The following PDZRN4 variants were observed in gnomAD, a reference collection of about 807,000 sequenced individuals.
PDZRN4 encodes PDZ domain-containing RING finger protein 4.
PDZRN4 carries 70 observed loss-of-function variants against 99.0 expected under a neutral mutation model. The ratio of observed to expected loss-of-function variants is 0.71; its 90% CI spans 0.58 to 0.86. The LOEUF (loss-of-function observed/expected upper bound fraction) is 0.86, where lower values mean the gene tolerates loss of function less well. Ranked by LOEUF, PDZRN4 falls within the 40% of genes least tolerant of loss-of-function variation. The pLI is 0.00. For synonymous variants in PDZRN4, 551 were observed against 501.6 expected (o/e 1.10, Z -1.32); for missense variants, 1,474 against 1,331.2 (o/e 1.11, Z -1.67).
chr12:41,395,881 C>T (rs565693429), intron 3 of PDZRN4, among the ~76,000 whole-genome samples: 14 of 151,910 alleles, frequency 9.2e-5, no homozygotes, highest in African/African-American at 3.4e-4. Context: ...TATAGGAATG[C>T]CCTTTACTTT....
chr12:41,377,608 G>T (rs989851859), intron 3 of PDZRN4, among the ~76,000 whole-genome samples: 2 of 151,906 alleles, frequency 1.3e-5, no homozygotes, highest in East Asian at 3.9e-4. Context: ...AGCTTGCAGC[G>T]AGCTGAGATC....
intron 3 of PDZRN4, among the ~76,000 whole-genome samples, chr12:41,426,755 A>G (rs1017332939): frequency 2.0e-5 from 3 of 152,242 alleles, no homozygotes; most frequent in South Asian, 2.1e-4. Flanking sequence ...AAAAGTTAGC[A>G]TATCAGAAAT....
intron 3 of PDZRN4, among the ~76,000 whole-genome samples, chr12:41,317,713 T>C (rs944597890): frequency 2.0e-5 from 3 of 152,158 alleles, no homozygotes; most frequent in African/African-American, 4.8e-5. Context: ...AGTAAGAATT[T>C]TTTTCTAGTA....
chr12:41,500,955 G>A (rs532981968), intron 3 of PDZRN4, among the ~76,000 whole-genome samples: 8 of 152,190 alleles, frequency 5.3e-5, no homozygotes, highest in South Asian at 2.1e-4. Flanking sequence ...TTGACTCTGC[G>A]TCACTTAGGG....
intron 3 of PDZRN4, among the ~76,000 whole-genome samples, chr12:41,432,230 C>T (rs1952591927): frequency 6.6e-6 from 1 of 152,166 alleles, no homozygotes; most frequent in Non-Finnish European, 1.5e-5. Context: ...TTGAATCATA[C>T]AGTACTCATT....
intron 3 of PDZRN4, among the ~76,000 whole-genome samples, chr12:41,197,106 G>T (rs2120650869): frequency 6.6e-6 from 1 of 152,126 alleles, no homozygotes; most frequent in Non-Finnish European, 1.5e-5. Flanking sequence ...GTCAAGATAT[G>T]CTCAAAAATA....
At chr12:41,290,645 C>T (rs796066995) in intron 3 of PDZRN4, among the ~76,000 whole-genome samples, 11 of 152,070 alleles carry the variant, frequency 7.2e-5, no homozygotes, top group African/African-American at 2.6e-4. Context: ...TCTTAATGAG[C>T]TTTCATAGAA....
chr12:41,243,007 T>C (rs1951110567), intron 3 of PDZRN4, among the ~76,000 whole-genome samples: 1 of 152,218 alleles, frequency 6.6e-6, no homozygotes, highest in African/African-American at 2.4e-5. Context: ...CATATCTGAT[T>C]CTAGGTAAGA....
At chr12:41,462,929 A>G (rs924555009) in intron 3 of PDZRN4, among the ~76,000 whole-genome samples, 9 of 152,194 alleles carry the variant, frequency 5.9e-5, no homozygotes, top group Non-Finnish European at 1.0e-4. Flanking sequence ...CTCTTGGTGC[A>G]TCTTGGCTTC....
At chr12:41,272,341 A>C (rs962294537) in intron 3 of PDZRN4, among the ~76,000 whole-genome samples, 1 of 152,112 alleles carries the variant, frequency 6.6e-6, no homozygotes, top group Non-Finnish European at 1.5e-5. Context: ...TGAGACATAC[A>C]GATCAGGATC....
chr12:41,247,193 A>C (rs1162748962), intron 3 of PDZRN4, among the ~76,000 whole-genome samples: 1 of 152,174 alleles, frequency 6.6e-6, no homozygotes, highest in Non-Finnish European at 1.5e-5. Context: ...ATGTTTAGAG[A>C]GTATGGAGGA....
At position 41,426,867 on chromosome 12, in the gene PDZRN4, C is replaced by T. The variant is rs145953805; in HGVS notation, c.844-79589C>T. Among the ~76,000 whole-genome samples the T allele has an allele frequency of 1.6e-4, 24 of 152,208 alleles. No homozygotes were observed. In the East Asian group the frequency reaches 2.3e-3, roughly 15 times the overall value. On this transcript the variant is annotated intron_variant, in intron 3 of 9. Coordinates refer to ENST00000402685, the MANE Select transcript of PDZRN4 (RefSeq NM_001164595.2). ...ACACAAATGAGTTTTCTGTGGGATG[C>T]GTAAAAATGCATATTCCCAGGCCCA...
At chr12:41,336,216 T>C (rs1951773232) in intron 3 of PDZRN4, among the ~76,000 whole-genome samples, 1 of 152,098 alleles carries the variant, frequency 6.6e-6, no homozygotes, top group African/African-American at 2.4e-5. Flanking sequence ...CATCCTGGCA[T>C]ATGTGATTCA....
chr12:41,450,264 A>G (rs1409173072), intron 3 of PDZRN4, among the ~76,000 whole-genome samples: 1 of 152,202 alleles, frequency 6.6e-6, no homozygotes, highest in East Asian at 1.9e-4. Context: ...CATGAAAAAT[A>G]TATGAAAATA....
Position 41,506,500 on chromosome 12 carries a change from G to A in PDZRN4, c.888G>A (p.Val296=). The A allele has an allele frequency of 6.2e-7, 1 of 1,613,696 alleles. No homozygotes were observed. The highest frequency in any genetic ancestry group is 1.1e-5 in the South Asian group (1 of 91,044). The change falls in exon 4 of 10, where the codon GTG becomes GTA. Residue 296 remains valine, a synonymous_variant. Transcript: ENST00000402685. ...DLSKATHEEA[V]EAFRNAKEPI... ...CAAAGGCCACTCATGAAGAGGCAGTGGAAGCTTTTCGCAATGCCAAGGAGC... is the reference window on the plus strand; with the variant it reads ...CAAAGGCCACTCATGAAGAGGCAGTAGAAGCTTTTCGCAATGCCAAGGAGC...
At chr12:41,560,789 T>G (rs1486646041) in intron 7 of PDZRN4, among the ~76,000 whole-genome samples, 1 of 152,216 alleles carries the variant, frequency 6.6e-6, no homozygotes, top group Non-Finnish European at 1.5e-5. Flanking sequence ...TCAATTCTTT[T>G]CATTCCTTGA....
Position 41,188,740 on chromosome 12 carries a change from C to G in PDZRN4, c.285C>G (p.His95Gln), listed in dbSNP as rs756004928. The G allele has an allele frequency of 7.8e-6, 12 of 1,540,280 alleles. No individual in the cohort carries two copies. The highest frequency in any genetic ancestry group is 1.0e-5 in the Non-Finnish European group (12 of 1,154,236). The change falls in exon 1 of 10, where the codon CAC (histidine) becomes CAG (glutamine). Residue 95 changes from histidine (H) to glutamine (Q), a missense_variant. His to Gln is a conservative substitution (Grantham distance 24, BLOSUM62 0). Transcript: ENST00000402685. ...ARGCGHSVRL[H>Q]ELEAHVEHCD... ...GCTGCGGCCACTCGGTCAGGCTGCA[C>G]GAGCTGGAGGCGCACGTCGAGCACT...
At chr12:41,332,039 T>C (rs1055298011) in intron 3 of PDZRN4, among the ~76,000 whole-genome samples, 6 of 152,130 alleles carry the variant, frequency 3.9e-5, no homozygotes, top group African/African-American at 9.7e-5. Context: ...GAAGTAGTCA[T>C]CTCAGATATC....
chr12:41,345,625 G>A (rs1381178179), intron 3 of PDZRN4, among the ~76,000 whole-genome samples: 1 of 152,104 alleles, frequency 6.6e-6, no homozygotes, highest in Non-Finnish European at 1.5e-5. Flanking sequence ...CTTCTCAGTT[G>A]CTTTTAATCT....
Sources: allele counts gnomAD v4.1 joint callset (sites outside exome capture counted in the v4.1 genomes callset), GRCh38; gene constraint gnomAD v4.1.1; transcripts MANE v1.5; gene names NCBI Gene and HGNC (gene_info 2026-07-23, HGNC 2026-07-21).